Variants in PCDHGB1 observed in about 807,000 individuals in gnomAD.
The protein encoded by PCDHGB1 is protocadherin gamma-B1.
A neutral mutation model predicts 56.6 loss-of-function variants in PCDHGB1; 34 were observed. That is an observed-to-expected ratio of 0.60 (90% CI 0.46 to 0.80). The LOEUF is 0.80. Among genes scored for constraint, PCDHGB1 ranks in the 30% least tolerant of loss-of-function variants. The probability of loss-of-function intolerance (pLI) is 0.00; values close to 1 mark genes in which losing one functional copy is unlikely to be tolerated. For synonymous variants in PCDHGB1, 561 were observed against 505.9 expected, an observed-to-expected ratio of 1.11 and a Z score of -1.46; for missense variants, 1,278 against 1,204.6, an observed-to-expected ratio of 1.06 and a Z score of -0.90.
intron 1 of PCDHGB1, chr5:141,388,479 C>A (rs1345463224): frequency 6.2e-7 from 1 of 1,613,770 alleles, no homozygotes. Context: ...ATTGAAGACA[C>A]CTTTGGACAG....
At position 141,485,225 on chromosome 5, in the gene PCDHGB1, T is replaced by C; in HGVS notation, c.2410-9582T>C. The C allele has an allele frequency of 1.2e-6, 2 of 1,614,156 alleles. No homozygotes were observed. Among genetic ancestry groups the C allele is most frequent in the Non-Finnish European group, 1.7e-6 (2 of 1,180,010 alleles). On this transcript the variant is annotated intron_variant, in intron 1 of 3. Coordinates refer to ENST00000523390, the MANE Select transcript of PCDHGB1 (RefSeq NM_018922.3). The surrounding 1 kb of genome is among the most constrained non-coding windows in gnomAD (Gnocchi z 5.7). Reference sequence around the variant, plus strand: ...AGAAATCTGGCGGTGGGCTACCCTTTTGTTCCTCTTTTACCACCTGGGTTA... The same window carrying C: ...AGAAATCTGGCGGTGGGCTACCCTTCTGTTCCTCTTTTACCACCTGGGTTA...
intron 3 of PCDHGB1, among the ~76,000 whole-genome samples, chr5:141,506,444 CA>C (rs1219684339): frequency 0.54 from 51,660 of 95,006 alleles, 10,715 homozygotes; most frequent in African/African-American, 0.61. Context: ...CGCTCTGTCT[CA>C]AAAAAAAAAA....
intron 1 of PCDHGB1, chr5:141,404,821 A>C: frequency 6.2e-7 from 1 of 1,613,788 alleles, no homozygotes; most frequent in Non-Finnish European, 8.5e-7. Flanking sequence ...GGCTGCACAC[A>C]GGTGAAGTGC....
At position 141,433,290 on chromosome 5, in the gene PCDHGB1, C is replaced by T. The variant is rs186668064; in HGVS notation, c.2410-61517C>T. ...CTCACTGCAGCCTCAAACTCCTAGG[C>T]TCAAGCAATTATCCCACCTTTGCCT... On this transcript the variant is annotated intron_variant, in intron 1 of 3. Transcript: ENST00000523390. The T allele has an allele frequency of 1.6e-3, 1,738 of 1,107,746 alleles. 60 individuals carry two copies. In the Admixed American group the frequency reaches 0.041, roughly 26 times the overall value. 68.6% of individuals were successfully genotyped at this position (1,107,746 alleles called of 1,614,324 possible). A position where few individuals can be genotyped will look rare whatever the true frequency, so the allele number is the denominator to read the frequency against.
At chr5:141,374,378 A>ACCCCCC (rs1425489237) in intron 1 of PCDHGB1, 1 of 1,614,038 alleles carries the variant, frequency 6.2e-7, no homozygotes, top group Admixed American at 1.7e-5. Context: ...CTGTGCTCAG[A>ACCCCCC]GCCCGCGGTG....
intron 1 of PCDHGB1, chr5:141,400,138 A>T: frequency 6.2e-7 from 1 of 1,614,046 alleles, no homozygotes; most frequent in Non-Finnish European, 8.5e-7. Flanking sequence ...GCTGCCGGAT[A>T]TCACTGACCG....
chr5:141,404,596 G>A, intron 1 of PCDHGB1: 1 of 1,614,080 alleles, frequency 6.2e-7, no homozygotes, highest in Non-Finnish European at 8.5e-7. Context: ...ATGTGTCATT[G>A]AGACTGTTTG....
At position 141,356,788 on chromosome 5, in the gene PCDHGB1, C is replaced by A. The variant is rs553457447; in HGVS notation, c.2409+4119C>A. 6 of 1,614,038 alleles carry A rather than the reference C, an allele frequency of 3.7e-6. No individual in the cohort carries two copies. Among genetic ancestry groups the A allele is most frequent in the East Asian group, 4.5e-5 (2 of 44,876 alleles). On this transcript the variant is annotated intron_variant, in intron 1 of 3. Coordinates refer to ENST00000523390, the MANE Select transcript of PCDHGB1 (RefSeq NM_018922.3). ...CTATGAGCAGTTTAGAGACCTGCAG[C>A]TGCTGATGACAGCCAGTGACAGTGG...
chr5:141,490,951 T>G lies in PCDHGB1; in HGVS notation c.2410-3856T>G, dbSNP rs778168052. On this transcript the variant is annotated intron_variant, in intron 1 of 3. Transcript: ENST00000523390. The surrounding 1 kb of genome is among the most constrained non-coding windows in gnomAD (Gnocchi z 5.4). ...AGCTGTGCTGCACCCACGGCCAGACTGGGAACACTCAGCCCCCCAGCGTCT... is the reference window on the plus strand; with the variant it reads ...AGCTGTGCTGCACCCACGGCCAGACGGGGAACACTCAGCCCCCCAGCGTCT... The G allele has an allele frequency of 6.2e-7, 1 of 1,613,638 alleles. No individual in the cohort carries two copies. The highest frequency in any genetic ancestry group is 1.3e-5 in the African/African-American group (1 of 74,900).
chr5:141,393,555 C>A lies in PCDHGB1; in HGVS notation c.2409+40886C>A. ...CCCGGTTTTTCCTCACCCGATTTAC[C>A]GAGTGAAAGTCCTTGAGAACATGCC... On this transcript the variant is annotated intron_variant, in intron 1 of 3. Transcript: ENST00000523390. The A allele has an allele frequency of 5.0e-6, 8 of 1,613,928 alleles. 1 individual carries two copies. Among genetic ancestry groups the A allele is most frequent in the Non-Finnish European group, 6.8e-6 (8 of 1,179,886 alleles).
chr5:141,498,725 A>AGT (rs2099785409), intron 2 of PCDHGB1, among the ~76,000 whole-genome samples: 1 of 152,150 alleles, frequency 6.6e-6, no homozygotes, highest in Non-Finnish European at 1.5e-5. Flanking sequence ...TGAGGTCAGG[A>AGT]GTTTGAGACC....
intron 1 of PCDHGB1, chr5:141,410,110 C>A (rs1361292941): frequency 6.2e-7 from 1 of 1,612,540 alleles, no homozygotes; most frequent in Admixed American, 1.7e-5. Flanking sequence ...GCGACAGGGA[C>A]GCAGCCCGCC....
Position 141,351,666 on chromosome 5 carries a change from A to G in PCDHGB1, c.1406A>G (p.Gln469Arg). The change falls in exon 1 of 4, where the codon CAA becomes CGA. Residue 469 changes from glutamine to arginine, a missense_variant. Gln to Arg is a conservative substitution (Grantham distance 43, BLOSUM62 1). Coordinates refer to ENST00000523390, the MANE Select transcript of PCDHGB1 (RefSeq NM_018922.3). ...ENNPPGASIA[Q>R]VSASDPDLGP... ...AACCCACCTGGCGCCTCCATTGCAC[A>G]AGTAAGCGCCTCCGACCCGGATTTG... is the stretch of plus-strand genomic sequence containing the variant. The G allele has an allele frequency of 6.2e-7, 1 of 1,614,014 alleles. No individual in the cohort carries two copies. Among genetic ancestry groups the G allele is most frequent in the Admixed American group, 1.7e-5 (1 of 60,036 alleles).
At chr5:141,464,218 T>C (rs1464478430) in intron 1 of PCDHGB1, among the ~76,000 whole-genome samples, 1 of 150,958 alleles carries the variant, frequency 6.6e-6, no homozygotes, top group Non-Finnish European at 1.5e-5. Flanking sequence ...TGAGCTGAGA[T>C]TGCGCCACTG....
chr5:141,381,991 G>A (rs1019937357), intron 1 of PCDHGB1, among the ~76,000 whole-genome samples: 3 of 151,726 alleles, frequency 2.0e-5, no homozygotes, highest in East Asian at 3.9e-4. Context: ...CACCACGCCC[G>A]GATAATTTTG....
chr5:141,414,412 G>A, intron 1 of PCDHGB1: 1 of 1,613,832 alleles, frequency 6.2e-7, no homozygotes, highest in South Asian at 1.1e-5. Flanking sequence ...GATACACAGA[G>A]CCCTTGACAG....
At chr5:141,393,762 A>G (rs2092837336) in intron 1 of PCDHGB1, 1 of 1,613,940 alleles carries the variant, frequency 6.2e-7, no homozygotes, top group African/African-American at 1.3e-5. Context: ...ATTTTATGAA[A>G]TGGAAATACA....
chr5:141,379,798 G>C (rs890822360), intron 1 of PCDHGB1, among the ~76,000 whole-genome samples: 1 of 150,150 alleles, frequency 6.7e-6, no homozygotes, highest in African/African-American at 2.5e-5. Context: ...GCTATCTGAG[G>C]TTTTGAGAGT....
chr5:141,429,377 G>T (rs1029180912), intron 1 of PCDHGB1, among the ~76,000 whole-genome samples: 1 of 149,434 alleles, frequency 6.7e-6, no homozygotes, highest in African/African-American at 2.5e-5. Context: ...GAGAAAATGT[G>T]TTTTTTTTTT....
Sources: gnomAD v4.1 joint callset for allele counts (sites outside exome capture counted in the v4.1 genomes callset) on GRCh38, gnomAD v4.1.1 for gene constraint, Gnocchi (gnomAD v3.1) non-coding constraint, MANE v1.5 for transcripts, NCBI Gene and HGNC (gene_info 2026-07-23, HGNC 2026-07-21) for gene names.